The following MYSM1 variants were observed in gnomAD, a reference collection of about 807,000 sequenced individuals.
MYSM1 encodes deubiquitinase MYSM1.
A neutral mutation model predicts 116.0 loss-of-function variants in MYSM1; 51 were observed. The observed-to-expected ratio is 0.44, with a 90% confidence interval of 0.35 to 0.56. The LOEUF (loss-of-function observed/expected upper bound fraction) is 0.56. Ranked by LOEUF, MYSM1 falls within the 20% of genes least tolerant of loss-of-function variation. MYSM1 has a pLI of 0.00. For missense variants in MYSM1, 900 were observed against 974.9 expected, an observed-to-expected ratio of 0.92 and a Z score of 1.02; for synonymous variants, 313 against 315.2, an observed-to-expected ratio of 0.99 and a Z score of 0.07.
chr1:58,668,953 C>G, intron 13 of MYSM1, 31 bp downstream of exon 13: 1 of 1,541,532 alleles, frequency 6.5e-7, no homozygotes, highest in Non-Finnish European at 8.9e-7. Context: ...CGGGGATTGT[C>G]TACTGTCATT....
chr1:58,688,422 A>T (rs544566080), intron 6 of MYSM1, among the ~76,000 whole-genome samples: 32 of 139,070 alleles, frequency 2.3e-4, no homozygotes, highest in East Asian at 1.4e-3. Context: ...TAAAAAAATT[A>T]AAAAAAAATC....
chr1:58,692,818 T>C (rs1328876697), intron 3 of MYSM1, 43 bp downstream of exon 3: 32 of 1,507,358 alleles, frequency 2.1e-5, no homozygotes, highest in Non-Finnish European at 2.9e-5. Flanking sequence ...TAGATTTTTT[T>C]CACCCTGAAA....
intron 6 of MYSM1, among the ~76,000 whole-genome samples, chr1:58,687,307 A>C (rs1644840733): frequency 6.6e-6 from 1 of 152,210 alleles, no homozygotes; most frequent in Admixed American, 6.5e-5. Flanking sequence ...ATATCTCTGG[A>C]AGAAAACACA....
At chr1:58,675,970 A>C (rs1454080998) in intron 9 of MYSM1, among the ~76,000 whole-genome samples, 1 of 152,208 alleles carries the variant, frequency 6.6e-6, no homozygotes, top group Non-Finnish European at 1.5e-5. Flanking sequence ...ATCTAGCTCA[A>C]TATAAAAGAA....
intron 1 of MYSM1, among the ~76,000 whole-genome samples, chr1:58,696,490 A>T (rs1052971928): frequency 3.9e-5 from 6 of 152,188 alleles, no homozygotes; most frequent in African/African-American, 1.4e-4. Flanking sequence ...CCAAGCCAGA[A>T]ATCCAAGCCT....
chr1:58,668,430 A>G, intron 14 of MYSM1: 1 of 1,321,848 alleles, frequency 7.6e-7, no homozygotes, highest in South Asian at 2.2e-5. Context: ...AAAAACTCAC[A>G]TTAATTTATT....
intron 19 of MYSM1, among the ~76,000 whole-genome samples, 164 bp downstream of exon 19, chr1:58,661,006 C>T (rs556618364): frequency 2.4e-4 from 36 of 152,038 alleles, no homozygotes; most frequent in Middle Eastern, 3.4e-3. Flanking sequence ...CAACAAAAAA[C>T]GTTACTAATT....
At position 58,665,595 on chromosome 1, in the gene MYSM1, T is replaced by A. The variant is rs1644455606; in HGVS notation, c.2068A>T (p.Met690Leu). The A allele has an allele frequency of 6.3e-7, 1 of 1,582,742 alleles. No individual in the cohort carries two copies. The highest frequency in any genetic ancestry group is 8.7e-7 in the Non-Finnish European group (1 of 1,152,556). The change falls in exon 17 of 20, where the codon ATG becomes TTG. Residue 690 changes from methionine to leucine, a missense_variant. Physicochemically the swap from Met to Leu is conservative, Grantham distance 15. Around this residue, in one of 3 missense-constraint regions of MYSM1, gnomAD observed 186 missense variants for 196.2 expected, o/e 0.95. Transcript: ENST00000472487. ...TTTCGATTATAGGGACTAACAATCA[T>A]CCCAATGAACTTTGCACCTCCTCTG... is the stretch of plus-strand genomic sequence containing the variant. ...FSRGGAKFIG[M>L]IVSPYNRNNP...
intron 17 of MYSM1, among the ~76,000 whole-genome samples, chr1:58,662,189 C>G (rs1644402449): frequency 6.6e-6 from 1 of 151,926 alleles, no homozygotes; most frequent in Admixed American, 6.6e-5. Flanking sequence ...AGTTGTTATA[C>G]TAAACTCTGG....
intron 6 of MYSM1, among the ~76,000 whole-genome samples, chr1:58,687,154 A>T (rs982636704): frequency 2.0e-5 from 3 of 151,906 alleles, no homozygotes; most frequent in East Asian, 1.9e-4. Flanking sequence ...TCAATGGTTT[A>T]AAAAAAAGCT....
chr1:58,671,532 CA>C (rs1320096562), intron 12 of MYSM1, among the ~76,000 whole-genome samples: 3 of 152,124 alleles, frequency 2.0e-5, no homozygotes, highest in African/African-American at 7.2e-5. Flanking sequence ...ACAAACCATG[CA>C]ACAACTTGCT....
At chr1:58,675,244 T>C (rs1158855117) in intron 10 of MYSM1, among the ~76,000 whole-genome samples, 1 of 152,208 alleles carries the variant, frequency 6.6e-6, no homozygotes, top group Non-Finnish European at 1.5e-5. Flanking sequence ...ACATTATGCT[T>C]CTGCATCAAG....
chr1:58,681,828 G>C lies in MYSM1; in HGVS notation c.1216C>G (p.Pro406Ala). 6.2e-7 allele frequency: 1 copy of C among 1,604,076 alleles called. No individual in the cohort carries two copies. Among genetic ancestry groups the C allele is most frequent in the Non-Finnish European group, 8.5e-7 (1 of 1,177,512 alleles). Residue 406 changes from proline to alanine, a missense_variant, in exon 8 of 20, where the codon CCA (proline) becomes GCA (alanine). Coordinates refer to ENST00000472487, the MANE Select transcript of MYSM1 (RefSeq NM_001085487.3). ...EFFEGRQAKT[P>A]ERYLKIRNYI... ...TTTCTAATTTTCAAATAGCGTTCTG[G>C]TGTTTTAGCTTGGCGCCCCTCAAAA...
At chr1:58,675,664 T>C (rs1203437214) in intron 9 of MYSM1, 84 bp from the exon 10 acceptor site, 2 of 957,626 alleles carry the variant, frequency 2.1e-6, no homozygotes, top group African/African-American at 1.6e-5. Flanking sequence ...ACACTGACTA[T>C]AGTGGGGCTT....
Position 58,667,891 on chromosome 1 carries a change from C to G in MYSM1, c.1798G>C (p.Gly600Arg). The change falls in exon 15 of 20, where the codon GGT becomes CGT. Residue 600 changes from glycine to arginine, a missense_variant. By Grantham distance (125) the Gly-to-Arg change is moderately radical (BLOSUM62 -2). This residue lies in a region of MYSM1 where 92 missense variants were observed against 155.0 expected (regional missense o/e 0.59). Transcript: ENST00000472487. ...HAHVSMAEVI[G>R]LLGGRYSEVD... ...TCTGAGTATCTTCCTCCTAACAGAC[C>G]AATCACTTCTGCCATAGAAACATGA... The G allele has an allele frequency of 6.2e-7, 1 of 1,612,486 alleles. No homozygotes were observed. The highest frequency in any genetic ancestry group is 8.5e-7 in the Non-Finnish European group (1 of 1,178,760).
intron 8 of MYSM1, among the ~76,000 whole-genome samples, chr1:58,679,883 C>G (rs1405012725): frequency 3.3e-5 from 5 of 152,086 alleles, no homozygotes; most frequent in African/African-American, 9.7e-5. Context: ...CAAAAATTAG[C>G]CGGGCGTGGT....
At chr1:58,660,993 G>C (rs1467085008) in intron 19 of MYSM1, among the ~76,000 whole-genome samples, 177 bp downstream of exon 19, 2 of 151,940 alleles carry the variant, frequency 1.3e-5, no homozygotes, top group Non-Finnish European at 2.9e-5. Context: ...GTGCAAGCTT[G>C]GGCAACAAAA....
At chr1:58,696,857 G>A (rs934344722) in intron 1 of MYSM1, among the ~76,000 whole-genome samples, 1 of 152,162 alleles carries the variant, frequency 6.6e-6, no homozygotes, top group African/African-American at 2.4e-5. Context: ...GGTAGGTAGG[G>A]CGTGGATCAC....
intron 17 of MYSM1, among the ~76,000 whole-genome samples, chr1:58,664,911 C>T (rs891572434): frequency 6.6e-6 from 1 of 152,238 alleles, no homozygotes; most frequent in Non-Finnish European, 1.5e-5. Flanking sequence ...TCTAGCCACA[C>T]TCCCTTCCTT....
Sources: gnomAD v4.1 joint callset for allele counts (sites outside exome capture counted in the v4.1 genomes callset) on GRCh38, gnomAD v4.1.1 for gene constraint, gnomAD v4.1.1 regional missense constraint, MANE v1.5 for transcripts, NCBI Gene and HGNC (gene_info 2026-07-23, HGNC 2026-07-21) for gene names.